The following PEX16 variants were observed in gnomAD, a reference collection of about 807,000 sequenced individuals.
PEX16 encodes peroxin 16.
Under a neutral mutation model 50.5 loss-of-function variants are expected in PEX16, and 37 were observed. The observed-to-expected ratio is 0.73, with a 90% CI of 0.56 to 0.96. PEX16 has a LOEUF of 0.96. PEX16 is among the 40% of genes least tolerant of loss of function. The probability of loss-of-function intolerance (pLI) is 0.00; values close to 1 mark genes in which losing one functional copy is unlikely to be tolerated. For synonymous variants in PEX16, 185 were observed against 190.3 expected (o/e 0.97, Z 0.23); for missense variants, 401 against 438.3 (o/e 0.91, Z 0.76).
At chr11:45,913,004 T>A (rs5018798) in intron 9 of PEX16, among the ~76,000 whole-genome samples, 38 of 54,656 alleles carry the variant, frequency 7.0e-4, no homozygotes, top group East Asian at 5.3e-3. Flanking sequence ...TATTATTTTT[T>A]TTTTTTTTTT....
chr11:45,916,166 C>T (rs2086832668), intron 3 of PEX16, 61 bp downstream of exon 3: 1 of 1,226,864 alleles, frequency 8.2e-7, no homozygotes, highest in East Asian at 2.3e-5. Flanking sequence ...CATGGGCTAG[C>T]TGCTACTATT....
At chr11:45,913,758 C>A in intron 9 of PEX16, 61 bp downstream of exon 9, 1 of 1,600,556 alleles carries the variant, frequency 6.2e-7, no homozygotes, top group South Asian at 1.1e-5. Context: ...CCAGCAGGGA[C>A]CGGAGCACCA....
chr11:45,918,586 G>C (rs1300942372), upstream of PEX16: 1 of 152,160 alleles, frequency 6.6e-6, no homozygotes, highest in African/African-American at 2.4e-5. Flanking sequence ...GCTTCTCTCG[G>C]CTCGGTGGCC....
At position 45,916,256 on chromosome 11, in the gene PEX16, G is replaced by A. The variant is rs767624302; in HGVS notation, c.196C>T (p.Arg66Trp). 124 of 1,613,742 alleles carry A rather than the reference G, an allele frequency of 7.7e-5. No individual in the cohort carries two copies. The highest frequency in any genetic ancestry group is 2.8e-4 in the Admixed American group (17 of 59,986). The change falls in exon 3 of 11, where the codon CGG (arginine) becomes TGG (tryptophan). Residue 66 changes from arginine to tryptophan, a missense_variant. By Grantham distance (101) the Arg-to-Trp change is moderately radical. Coordinates refer to ENST00000378750, the MANE Select transcript of PEX16 (RefSeq NM_004813.4). ...GGCAACTTTTTCCGAAGCTCCTTCC[G>A]TAGGATCCCGTCATTGAGCAGCACA... Reference protein sequence around the residue: ...LLVLLNDGILRKELRKKLPVS... With the variant: ...LLVLLNDGILWKELRKKLPVS...
In PEX16 at chr11:45,915,767, C is replaced by T. The variant is rs2086827838; in HGVS notation, c.295G>A (p.Gly99Arg). Residue 99 changes from glycine to arginine, a missense_variant, in exon 4 of 11, where the codon GGA (glycine) becomes AGA (arginine). Physicochemically the swap from Gly to Arg is moderately radical, Grantham distance 125 (BLOSUM62 -2). Coordinates refer to ENST00000378750, the MANE Select transcript of PEX16 (RefSeq NM_004813.4). ...LECVEVFMEM[G>R]AAKVWGEVGR... ...ACTTCACCCCACACCTTGGCAGCTCCCATCTCCATGAACACCTCCACGCAC... is the reference window on the plus strand; with the variant it reads ...ACTTCACCCCACACCTTGGCAGCTCTCATCTCCATGAACACCTCCACGCAC... 1 of 1,613,848 alleles carries T rather than the reference C, an allele frequency of 6.2e-7. No homozygotes were observed. Among genetic ancestry groups the T allele is most frequent in the South Asian group, 1.1e-5 (1 of 91,088 alleles).
rs1364854282 is a variant in PEX16, at chr11:45,917,499, G to T, written c.113-6C>A. The T allele has an allele frequency of 2.5e-6, 4 of 1,613,974 alleles. No individual in the cohort carries two copies. The highest frequency in any genetic ancestry group is 3.4e-6 in the Non-Finnish European group (4 of 1,180,018). ...GTGCGAATCGGCGAATCGACCTGGG[G>T]AGAGGGTACAGAAGGAGGTGTGAGT... On this transcript the variant is annotated splice_region_variant and splice_polypyrimidine_tract_variant and intron_variant, in intron 1 of 10. Coordinates refer to ENST00000378750, the MANE Select transcript of PEX16 (RefSeq NM_004813.4).
In PEX16 at chr11:45,913,881, C is replaced by A. The variant is rs965837945; in HGVS notation, c.825G>T (p.Arg275=). The A allele has an allele frequency of 1.9e-6, 3 of 1,611,754 alleles. No individual in the cohort carries two copies. The East Asian group carries it at 6.7e-5, about 36-fold the overall frequency. The stretch of plus-strand genomic sequence containing the variant: ...AGTAGAGCAGCAGGATGGTCCGGCG[C>A]CGCAGCTCCCGCCGCTCCCTCCGGG... ...GLTRRERREL[R]RRTILLLYYL... The change falls in exon 9 of 11, where the codon CGG becomes CGT. Residue 275 remains arginine (R), a synonymous_variant. Transcript: ENST00000378750.
At chr11:45,916,097 G>A in intron 3 of PEX16, 130 bp downstream of exon 3, 1 of 814,522 alleles carries the variant, frequency 1.2e-6, no homozygotes, top group Non-Finnish European at 2.2e-6. Flanking sequence ...CTAATGAGAT[G>A]GTTTGAGGCT....
intron 9 of PEX16, 125 bp downstream of exon 9, chr11:45,913,694 G>A (rs979161854): frequency 1.6e-5 from 18 of 1,136,750 alleles, no homozygotes; most frequent in Middle Eastern, 2.3e-4. Context: ...ACTGCCACCC[G>A]GACAACACAC....
intron 5 of PEX16, among the ~76,000 whole-genome samples, chr11:45,915,201 G>A (rs188119485): frequency 1.8e-4 from 28 of 152,350 alleles, no homozygotes; most frequent in African/African-American, 6.7e-4. Flanking sequence ...GCTCAGAGTC[G>A]AGGTTGGCGG....
chr11:45,912,026 A>G (rs1210341991), intron 9 of PEX16: 3 of 151,876 alleles, frequency 2.0e-5, no homozygotes, highest in Admixed American at 6.6e-5. Context: ...CTCCGTCCCA[A>G]AAAACAAAAG....
rs745696605 is a variant in PEX16 at position 45,914,616 on chromosome 11, T to C, written c.529A>G (p.Thr177Ala). The change falls in exon 6 of 11, where the codon ACC becomes GCC. Residue 177 changes from threonine (T) to alanine (A), a missense_variant. Transcript: ENST00000378750. ...ATCCTCCACTTACTGTTCTGGAGGG[T>C]TCGCACCACCCGGTTTGACCGCTTC... Reference protein sequence around the residue: ...VGKRSNRVVRTLQNTPSLHSR... With the variant: ...VGKRSNRVVRALQNTPSLHSR... 1 of 1,614,130 alleles carries C rather than the reference T, an allele frequency of 6.2e-7. No homozygotes were observed. Among genetic ancestry groups the C allele is most frequent in the South Asian group, 1.1e-5 (1 of 91,086 alleles).
chr11:45,910,873 T>C, intron 10 of PEX16, 25 bp downstream of exon 10: 1 of 1,608,258 alleles, frequency 6.2e-7, no homozygotes. Flanking sequence ...AGCACTACAG[T>C]CATCGCGTCC....
chr11:45,917,943 C>T (rs1469710648), upstream of PEX16: 9 of 730,858 alleles, frequency 1.2e-5, no homozygotes, highest in East Asian at 1.9e-4. Context: ...GGCCAGAAGG[C>T]TGAGGACTTG....
chr11:45,917,871 T>C lies in PEX16; in HGVS notation c.-60A>G. 8.2e-7 allele frequency: 1 copy of C among 1,224,342 alleles called. No individual in the cohort carries two copies. 75.8% of individuals were successfully genotyped at this position (1,224,342 alleles called of 1,614,324 possible). On this transcript the variant is annotated 5_prime_UTR_variant, in exon 1 of 11. Coordinates refer to ENST00000378750, the MANE Select transcript of PEX16 (RefSeq NM_004813.4). ...CGTACGACAGGCTGCGGCGCCCTGCTTCCTGCGCCCTCCTTCCTGCTTCCG... is the reference window on the plus strand; with the variant it reads ...CGTACGACAGGCTGCGGCGCCCTGCCTCCTGCGCCCTCCTTCCTGCTTCCG...
chr11:45,917,855 G>C lies in PEX16; in HGVS notation c.-44C>G, dbSNP rs562771676. On this transcript the variant is annotated 5_prime_UTR_variant, in exon 1 of 11. Transcript: ENST00000378750. ...AGACCCACAGAAGGACCGTACGACA[G>C]GCTGCGGCGCCCTGCTTCCTGCGCC... 2.2e-6 allele frequency: 3 copies of C among 1,386,542 alleles called. No homozygotes were observed. In the Admixed American group the frequency reaches 5.9e-5, roughly 27 times the overall value. 85.9% of individuals were successfully genotyped at this position (1,386,542 alleles called of 1,614,324 possible).
intron 9 of PEX16, among the ~76,000 whole-genome samples, chr11:45,912,455 C>G (rs2086788742): frequency 6.6e-6 from 1 of 151,928 alleles, no homozygotes; most frequent in Non-Finnish European, 1.5e-5. Flanking sequence ...GCCAAGATTG[C>G]ACCACTACAC....
chr11:45,915,907 G>GAAGGGCCT, intron 3 of PEX16, 71 bp from the exon 4 acceptor site: 1 of 1,479,206 alleles, frequency 6.8e-7, no homozygotes, highest in Non-Finnish European at 9.4e-7. Context: ...TCTCCTAGGA[G>GAAGGGCCT]GGAGCTTCTC....
At position 45,914,153 on chromosome 11, in the gene PEX16, C is replaced by T. The variant is rs1351786258; in HGVS notation, c.745G>A (p.Ala249Thr). Residue 249 changes from alanine to threonine, a missense_variant, in exon 8 of 11, where the codon GCT becomes ACT. Ala to Thr is a moderately conservative substitution (Grantham distance 58). Coordinates refer to ENST00000378750, the MANE Select transcript of PEX16 (RefSeq NM_004813.4). Reference protein sequence around the residue: ...GQRSWKPWLLAGVVDVTSLSL... With the variant: ...GQRSWKPWLLTGVVDVTSLSL... ...CACCTGGTCACGTCCACAACACCAGCCAAGAGCCAGGGTTTCCACGACCTC... is the reference window on the plus strand; with the variant it reads ...CACCTGGTCACGTCCACAACACCAGTCAAGAGCCAGGGTTTCCACGACCTC... 1 of 1,607,080 alleles carries T rather than the reference C, an allele frequency of 6.2e-7. No individual in the cohort carries two copies. Among genetic ancestry groups the T allele is most frequent in the Non-Finnish European group, 8.5e-7 (1 of 1,176,724 alleles).
Sources: allele counts gnomAD v4.1 joint callset (sites outside exome capture counted in the v4.1 genomes callset), GRCh38; gene constraint gnomAD v4.1.1; transcripts MANE v1.5; gene names NCBI Gene and HGNC (gene_info 2026-07-23, HGNC 2026-07-21).